Variants in B9D1 observed in about 807,000 individuals in gnomAD.
B9D1 encodes B9 domain containing 1.
B9D1 carries 20 observed loss-of-function variants against 26.1 expected under a neutral mutation model. That is an observed-to-expected ratio of 0.77 (90% CI 0.54 to 1.12). B9D1 has a LOEUF of 1.12. Among genes scored for constraint, B9D1 ranks in the 50% most tolerant of loss-of-function variants. The pLI, the probability that B9D1 is intolerant of heterozygous loss-of-function variation, is 0.00. For missense variants in B9D1, 260 were observed against 273.7 expected (o/e 0.95, Z 0.35); for synonymous variants, 105 against 103.1 (o/e 1.02, Z -0.11).
downstream of B9D1, among the ~76,000 whole-genome samples, chr17:19,340,033 A>ACCCCCCCC (rs56279237): frequency 8.1e-5 from 9 of 110,588 alleles, no homozygotes; most frequent in Admixed American, 3.3e-4. Context: ...CACATGCCCA[A>ACCCCCCCC]CCCCCCCCCC....
At chr17:19,353,800 C>T (rs895621618) in intron 3 of B9D1, among the ~76,000 whole-genome samples, 5 of 151,940 alleles carry the variant, frequency 3.3e-5, no homozygotes, top group Admixed American at 3.3e-4. Flanking sequence ...ATTAGCCGGG[C>T]GTGGTGGTAC....
rs1424651881 is a variant in B9D1 at position 19,370,972 on chromosome 17, C to CCCACTGCTTT, written c.-298+6877_-298+6886dup. Among the ~76,000 whole-genome samples the CCCACTGCTTT allele has an allele frequency of 1.1e-4, 16 of 152,346 alleles. No individual in the cohort carries two copies. The East Asian group carries it at 2.7e-3, about 26-fold the overall frequency. On this transcript the variant is annotated intron_variant, in intron 1 of 5. Coordinates refer to the B9D1 transcript ENST00000477478. This position sits in a 1 kb window ranked among gnomAD's most constrained non-coding sequence, Gnocchi z 5.1. Reference sequence around the variant, plus strand: ...ACAAAGCCCAGCCTGCCCATCAAGCCCCACTGCTTTCCACTGCTTTGGTGC... The same window carrying CCCACTGCTTT: ...ACAAAGCCCAGCCTGCCCATCAAGCCCCACTGCTTTCCACTGCTTTCCACTGCTTTGGTGC...
chr17:19,358,339 C>G (rs981808266), intron 2 of B9D1, among the ~76,000 whole-genome samples: 1 of 152,164 alleles, frequency 6.6e-6, no homozygotes, highest in African/African-American at 2.4e-5. Flanking sequence ...AAAAATAGTC[C>G]TCTTTCAACT....
intron 1 of B9D1, 64 bp downstream of exon 1, chr17:19,362,443 G>T (rs922599692): frequency 9.3e-6 from 12 of 1,287,328 alleles, no homozygotes; most frequent in Non-Finnish European, 1.3e-5. Flanking sequence ...CAGCCCGGGG[G>T]GTTGCGGGAA....
chr17:19,336,067 G>A (rs754077521), downstream of B9D1: 8 of 152,280 alleles, frequency 5.3e-5, no homozygotes, highest in Admixed American at 2.6e-4. Flanking sequence ...TGGGCTGCTG[G>A]GACATGCAGG....
Position 19,347,927 on chromosome 17 carries a change from GA to G in B9D1, c.245-48del, listed in dbSNP as rs755154925. The G allele has an allele frequency of 3.3e-6, 5 of 1,531,264 alleles. No homozygotes were observed. The highest frequency in any genetic ancestry group is 4.5e-6 in the Non-Finnish European group (5 of 1,106,602). 94.9% of individuals were successfully genotyped at this position (1,531,264 alleles called of 1,614,324 possible). A position where few individuals can be genotyped will look rare whatever the true frequency, so the allele number is the denominator to read the frequency against. ...GGTGGGCACATGAGGACACACAGGGGAGGTGCAGGGCAGAGAACAGGGCGTG... is the reference window on the plus strand; with the variant it reads ...GGTGGGCACATGAGGACACACAGGGGGGTGCAGGGCAGAGAACAGGGCGTG... On this transcript the variant is annotated intron_variant, in intron 3 of 6. Transcript: ENST00000261499. The surrounding 1 kb of genome is among the most constrained non-coding windows in gnomAD (Gnocchi z 4.3).
rs1044444226 is a variant in B9D1, at chr17:19,347,461, C to T, written c.342-130G>A. ...CAAGTCAGGGCCAATGTCAACGAAT[C>T]CAACCTGTGCTAACTGAGCACCCCC... On this transcript the variant is annotated intron_variant, in intron 4 of 6. Coordinates refer to ENST00000261499, the MANE Select transcript of B9D1 (RefSeq NM_015681.6). The surrounding 1 kb of genome is among the most constrained non-coding windows in gnomAD (Gnocchi z 4.3). The T allele has an allele frequency of 1.9e-5, 21 of 1,111,352 alleles. No individual in the cohort carries two copies. The Admixed American group carries it at 2.0e-4, about 10-fold the overall frequency. 68.8% of individuals were successfully genotyped at this position (1,111,352 alleles called of 1,614,324 possible).
downstream of B9D1, chr17:19,337,807 T>A (rs1359147160): frequency 3.1e-6 from 4 of 1,290,876 alleles, no homozygotes; most frequent in Admixed American, 8.0e-5. Flanking sequence ...AGGCCTGGAA[T>A]TGCCTCACTG....
intron 1 of B9D1, among the ~76,000 whole-genome samples, 174 bp from the exon 2 acceptor site, chr17:19,360,562 G>A (rs912837434): frequency 6.6e-6 from 1 of 152,170 alleles, no homozygotes; most frequent in Admixed American, 6.5e-5. Context: ...GGGAGTCCAC[G>A]GGAGACTCCC....
downstream of B9D1, among the ~76,000 whole-genome samples, chr17:19,341,794 C>T (rs1382381701): frequency 6.6e-6 from 1 of 152,116 alleles, no homozygotes; most frequent in South Asian, 2.1e-4. Flanking sequence ...TGAGCATAAA[C>T]GAAGGATGGA....
At chr17:19,354,451 T>G (rs1317880488) in intron 3 of B9D1, among the ~76,000 whole-genome samples, 1 of 152,224 alleles carries the variant, frequency 6.6e-6, no homozygotes, top group Non-Finnish European at 1.5e-5. Context: ...GAGATAAAAT[T>G]TATGCATAAT....
At chr17:19,345,298 G>C (rs539273604) in intron 5 of B9D1, among the ~76,000 whole-genome samples, 2 of 152,324 alleles carry the variant, frequency 1.3e-5, no homozygotes, top group African/African-American at 4.8e-5. Context: ...TTCTGACAGA[G>C]ACAGGTTCTA....
chr17:19,367,348 G>A (rs1454941260), upstream of B9D1, among the ~76,000 whole-genome samples: 2 of 113,150 alleles, frequency 1.8e-5, no homozygotes, highest in Non-Finnish European at 3.4e-5. Context: ...TTTCGCTCTT[G>A]TTGCCCAGGC....
chr17:19,343,027 G>A, downstream of B9D1: 2 of 1,268,446 alleles, frequency 1.6e-6, no homozygotes, highest in Non-Finnish European at 2.0e-6. Flanking sequence ...ATGCCATCCT[G>A]CTGCACGGTC....
chr17:19,369,489 C>T (rs1761536944), intron 1 of B9D1, among the ~76,000 whole-genome samples: 1 of 152,070 alleles, frequency 6.6e-6, no homozygotes, highest in Admixed American at 6.5e-5. Flanking sequence ...GCTACTTTAC[C>T]AGCACATCAC....
intron 3 of B9D1, among the ~76,000 whole-genome samples, chr17:19,354,734 C>T (rs1481158563): frequency 1.3e-5 from 2 of 151,970 alleles, no homozygotes; most frequent in Non-Finnish European, 1.5e-5. Flanking sequence ...GAGGCTGAGG[C>T]GGAGAATTGC....
chr17:19,343,476 G>C lies in B9D1; in HGVS notation c.473-15C>G, dbSNP rs780551918. 9.9e-6 allele frequency: 16 copies of C among 1,614,140 alleles called. 1 individual carries two copies. The Admixed American group carries it at 2.7e-4, about 27-fold the overall frequency. On this transcript the variant is annotated splice_polypyrimidine_tract_variant and intron_variant, in intron 6 of 6. Transcript: ENST00000261499. ...GACACGGGTCACTGGGGACAGAAGG[G>C]CAGCATCAGCCAGGCTGGGCTGGGG...
At chr17:19,346,927 G>A (rs947499680) in intron 5 of B9D1, 2 of 1,454,020 alleles carry the variant, frequency 1.4e-6, no homozygotes, top group Non-Finnish European at 1.8e-6. Flanking sequence ...ACTGTTCCAA[G>A]GTGTCTGACT....
chr17:19,356,970 G>A (rs1256379733), intron 3 of B9D1, among the ~76,000 whole-genome samples: 1 of 152,156 alleles, frequency 6.6e-6, no homozygotes, highest in African/African-American at 2.4e-5. Context: ...CCCTGCTCAG[G>A]AGGACCACCA....
Sources: allele counts gnomAD v4.1 joint callset (sites outside exome capture counted in the v4.1 genomes callset), GRCh38; gene constraint gnomAD v4.1.1; non-coding constraint Gnocchi (gnomAD v3.1); transcripts MANE v1.5; gene names NCBI Gene and HGNC (gene_info 2026-07-23, HGNC 2026-07-21).